The following NRG1 variants were observed in gnomAD, a reference collection of about 807,000 sequenced individuals.
The protein encoded by NRG1 is pro-neuregulin-1, membrane-bound isoform.
In NRG1, 18 loss-of-function variants were observed where a neutral mutation model predicts 63.8. That is an observed-to-expected ratio of 0.28 (90% CI 0.19 to 0.42). The LOEUF (loss-of-function observed/expected upper bound fraction) is 0.42. Among genes scored for constraint, NRG1 ranks in the 10% least tolerant of loss-of-function variants. The probability of loss-of-function intolerance (pLI) is 1.00; values close to 1 mark genes in which losing one functional copy is unlikely to be tolerated. For missense variants in NRG1, 762 were observed against 814.7 expected, an observed-to-expected ratio of 0.94 and a Z score of 0.79; for synonymous variants, 302 against 301.3, an observed-to-expected ratio of 1.00 and a Z score of -0.02.
intron 1 of NRG1, among the ~76,000 whole-genome samples, chr8:31,945,967 CCTT>C (rs2129621761): frequency 6.6e-6 from 1 of 152,300 alleles, no homozygotes; most frequent in East Asian, 1.9e-4. Flanking sequence ...GAAGAGAAGA[CCTT>C]CTGCAGACAT....
chr8:32,511,850 C>G (rs1829261870), intron 1 of NRG1, among the ~76,000 whole-genome samples: 1 of 152,236 alleles, frequency 6.6e-6, no homozygotes, highest in African/African-American at 2.4e-5. Flanking sequence ...AGCTGTGACC[C>G]TAAATGGGGA....
At chr8:31,918,079 T>C (rs1471214331) in intron 1 of NRG1, among the ~76,000 whole-genome samples, 1 of 152,206 alleles carries the variant, frequency 6.6e-6, no homozygotes, top group Non-Finnish European at 1.5e-5. Context: ...CTGAAGTTGC[T>C]TATCAGCTTA....
intron 2 of NRG1, among the ~76,000 whole-genome samples, chr8:32,603,970 G>A (rs1844807543): frequency 6.6e-6 from 1 of 152,166 alleles, no homozygotes; most frequent in Non-Finnish European, 1.5e-5. Flanking sequence ...ATTCAATAAT[G>A]TCTGAAGAGA....
At chr8:31,912,566 CTTTTTTT>C (rs3052846) in intron 1 of NRG1, among the ~76,000 whole-genome samples, 10 of 105,630 alleles carry the variant, frequency 9.5e-5, no homozygotes, top group African/African-American at 1.8e-4. Flanking sequence ...TTTAGAAATG[CTTTTTTT>C]TTTTTTTTTT....
Position 32,407,661 on chromosome 8 carries a change from A to G in NRG1, c.38-188167A>G, listed in dbSNP as rs139567305. 1.8e-4 allele frequency among the ~76,000 whole-genome samples: 28 copies of G among 152,206 alleles called. No individual in the cohort carries two copies. In the East Asian group the frequency reaches 5.0e-3, roughly 27 times the overall value. ...ACCTCTCTCTCTCTGTATCCCTTTC[A>G]GTACATATGTCCAACACTGCCATAC... On this transcript the variant is annotated intron_variant, in intron 1 of 10. Coordinates refer to the NRG1 transcript ENST00000519301.
chr8:32,295,885 C>T (rs1351312584), intron 1 of NRG1, among the ~76,000 whole-genome samples: 2 of 145,194 alleles, frequency 1.4e-5, no homozygotes, highest in Admixed American at 7.1e-5. Context: ...TGCAGTGAGC[C>T]AAGATCGCGC....
chr8:32,190,476 C>A (rs1317136113), intron 1 of NRG1, among the ~76,000 whole-genome samples: 1 of 152,180 alleles, frequency 6.6e-6, no homozygotes. Flanking sequence ...TTTACCCATA[C>A]AACAACAGGC....
intron 5 of NRG1, among the ~76,000 whole-genome samples, chr8:32,654,492 G>A (rs962388523): frequency 6.6e-6 from 1 of 151,940 alleles, no homozygotes; most frequent in African/African-American, 2.4e-5. Flanking sequence ...AGCCAGGGGT[G>A]GGGGTTCATG....
intron 1 of NRG1, among the ~76,000 whole-genome samples, chr8:31,812,667 C>T (rs1242938562): frequency 6.6e-6 from 1 of 151,244 alleles, no homozygotes; most frequent in Admixed American, 6.6e-5. Context: ...CCCTTCCCTC[C>T]CCTCCCCTCG....
chr8:32,566,122 G>A (rs1837388210), intron 1 of NRG1, among the ~76,000 whole-genome samples: 1 of 152,158 alleles, frequency 6.6e-6, no homozygotes, highest in African/African-American at 2.4e-5. Flanking sequence ...GGGAGGCCAA[G>A]GAGACGGGTG....
intron 1 of NRG1, among the ~76,000 whole-genome samples, chr8:32,403,452 A>G (rs2129484793): frequency 6.6e-6 from 1 of 152,256 alleles, no homozygotes; most frequent in Admixed American, 6.5e-5. Flanking sequence ...ACAAAAATTG[A>G]CTCTCAAAAA....
intron 1 of NRG1, among the ~76,000 whole-genome samples, chr8:32,436,458 T>G (rs1563462028): frequency 1.3e-5 from 2 of 152,180 alleles, no homozygotes; most frequent in African/African-American, 4.8e-5. Context: ...TTGAAAGGAT[T>G]AGGAGCTTAA....
chr8:31,877,441 A>ATC (rs142581838), intron 1 of NRG1, among the ~76,000 whole-genome samples: 1,793 of 151,158 alleles, frequency 0.012, 40 homozygotes, highest in African/African-American at 0.041. Flanking sequence ...TCTTTTGGTT[A>ATC]TCTCTCTCTC....
At chr8:31,785,998 G>A (rs765566317) in intron 1 of NRG1, among the ~76,000 whole-genome samples, 1 of 152,138 alleles carries the variant, frequency 6.6e-6, no homozygotes, top group East Asian at 1.9e-4. Flanking sequence ...TAAAACATAT[G>A]TTCATAGATT....
At chr8:32,453,332 C>T (rs772347333) in intron 1 of NRG1, among the ~76,000 whole-genome samples, 3 of 152,174 alleles carry the variant, frequency 2.0e-5, no homozygotes, top group African/African-American at 4.8e-5. Context: ...ATCAGAGCCT[C>T]GTACACAGGA....
chr8:32,038,240 T>C (rs1335579686), intron 1 of NRG1, among the ~76,000 whole-genome samples: 2 of 152,196 alleles, frequency 1.3e-5, no homozygotes, highest in African/African-American at 4.8e-5. Context: ...GGAGCACCTT[T>C]TGCCGCACGC....
chr8:32,099,111 A>G (rs945775630), intron 1 of NRG1, among the ~76,000 whole-genome samples: 2 of 152,232 alleles, frequency 1.3e-5, no homozygotes, highest in African/African-American at 4.8e-5. Context: ...TCAGCAAGAT[A>G]GGAGCTGACT....
chr8:32,587,107 GC>G (rs1841750307), intron 1 of NRG1, among the ~76,000 whole-genome samples: 1 of 152,106 alleles, frequency 6.6e-6, no homozygotes. Context: ...TATGTGAGAG[GC>G]TAAGGCAGGA....
chr8:31,714,939 C>T (rs868257798), intron 1 of NRG1, among the ~76,000 whole-genome samples: 3 of 151,948 alleles, frequency 2.0e-5, no homozygotes, highest in African/African-American at 4.8e-5. Context: ...TCTAAATACC[C>T]GCTGTGTCCA....
Sources: gnomAD v4.1 joint callset for allele counts (sites outside exome capture counted in the v4.1 genomes callset) on GRCh38, gnomAD v4.1.1 for gene constraint, MANE v1.5 for transcripts, NCBI Gene and HGNC (gene_info 2026-07-23, HGNC 2026-07-21) for gene names.